Variants in GNAI3 observed in about 807,000 individuals in gnomAD.
The protein encoded by GNAI3 is G protein subunit alpha i3, also known as guanine nucleotide-binding protein G(i) subunit alpha-3.
Under a neutral mutation model 41.8 loss-of-function variants are expected in GNAI3, and 12 were observed. That is an observed-to-expected ratio of 0.29 (90% CI 0.18 to 0.47). GNAI3 has a LOEUF of 0.47. Ranked by LOEUF, GNAI3 falls within the 20% of genes least tolerant of loss-of-function variation. GNAI3 has a pLI of 1.00. For missense variants in GNAI3, 360 were observed against 429.6 expected (o/e 0.84, Z 1.43); for synonymous variants, 132 against 146.5 (o/e 0.90, Z 0.71).
At chr1:109,568,086 T>G (rs1471889189) in intron 1 of GNAI3, among the ~76,000 whole-genome samples, 1 of 152,046 alleles carries the variant, frequency 6.6e-6, no homozygotes. Context: ...TTTTAGCAGT[T>G]CCAAATTCCA....
In GNAI3 at chr1:109,597,701, G is replaced by A. The variant is rs1243092477; in HGVS notation, c.*5379G>A. ...ATTAAGACAACAAGAAACCTAGGAT[G>A]TCCAAACATTCATTTCATTTATTTT... On this transcript the variant is annotated 3_prime_UTR_variant, in exon 9 of 9. Transcript: ENST00000369851. The A allele has an allele frequency of 1.3e-5, 2 of 152,050 alleles. No individual in the cohort carries two copies. The highest frequency in any genetic ancestry group is 2.9e-5 in the Non-Finnish European group (2 of 68,010). The allele number at this position is 152,050 out of a possible 1,614,324, so 9.4% of individuals were successfully genotyped here.
intron 1 of GNAI3, among the ~76,000 whole-genome samples, chr1:109,569,711 A>G (rs1163389221): frequency 2.6e-5 from 4 of 152,200 alleles, no homozygotes; most frequent in Non-Finnish European, 4.4e-5. Context: ...CTGGAAGCTC[A>G]GGAGAAGATA....
At position 109,598,939 on chromosome 1, in the gene GNAI3, C is replaced by G. The variant is rs747969174; in HGVS notation, c.*6617C>G. On this transcript the variant is annotated 3_prime_UTR_variant, in exon 9 of 9. Transcript: ENST00000369851. ...CAGTGGGAGGTAAGAGCTCTTCACC[C>G]TTCACCACCTTCTCCACCCAGCATG... is the stretch of plus-strand genomic sequence containing the variant. 1.9e-6 allele frequency: 1 copy of G among 534,974 alleles called. No homozygotes were observed. The highest frequency in any genetic ancestry group is 3.8e-6 in the Non-Finnish European group (1 of 260,066). 33.1% of individuals were successfully genotyped at this position (534,974 alleles called of 1,614,324 possible). A position where few individuals can be genotyped will look rare whatever the true frequency, so the allele number is the denominator to read the frequency against.
intron 4 of GNAI3, among the ~76,000 whole-genome samples, chr1:109,580,657 T>C (rs575977577): frequency 6.6e-6 from 1 of 152,246 alleles, no homozygotes; most frequent in Non-Finnish European, 1.5e-5. Flanking sequence ...CAGCATGTTA[T>C]TGTACTAAAT....
At chr1:109,559,172 ACT>A (rs1259067528) in intron 1 of GNAI3, among the ~76,000 whole-genome samples, 1 of 151,746 alleles carries the variant, frequency 6.6e-6, no homozygotes, top group Non-Finnish European at 1.5e-5. Context: ...ACAGAGCGAG[ACT>A]CTGTCTCAAA....
chr1:109,595,486 A>G lies in GNAI3; in HGVS notation c.*3164A>G, dbSNP rs2101115569. The G allele has an allele frequency of 6.6e-6, 1 of 152,228 alleles. No individual in the cohort carries two copies. The highest frequency in any genetic ancestry group is 1.5e-5 in the Non-Finnish European group (1 of 68,018). The allele number at this position is 152,228 out of a possible 1,614,324, so 9.4% of individuals were successfully genotyped here. ...TAGATGGACCAAAATTTTAAAAAAA[A>G]CTTCTTGCCTTGTTTTTTTAATTTT... On this transcript the variant is annotated 3_prime_UTR_variant, in exon 9 of 9. Coordinates refer to ENST00000369851, the MANE Select transcript of GNAI3 (RefSeq NM_006496.4).
chr1:109,590,974 T>C (rs1421442445), intron 7 of GNAI3, among the ~76,000 whole-genome samples: 1 of 152,214 alleles, frequency 6.6e-6, no homozygotes, highest in East Asian at 1.9e-4. Context: ...ATTGGAATAA[T>C]GAATTGTCTT....
chr1:109,587,671 T>C (rs1163931883), intron 7 of GNAI3, among the ~76,000 whole-genome samples: 1 of 152,152 alleles, frequency 6.6e-6, no homozygotes, highest in Non-Finnish European at 1.5e-5. Flanking sequence ...GATCAACTCA[T>C]GGAGGGCCTT....
rs1418979478 is a variant in GNAI3, at chr1:109,595,992, A to G, written c.*3670A>G. On this transcript the variant is annotated 3_prime_UTR_variant, in exon 9 of 9. Coordinates refer to ENST00000369851, the MANE Select transcript of GNAI3 (RefSeq NM_006496.4). ...CAGTGCCAGGTAATTATTGTGTTCT[A>G]CTTTAGGCTTCGTAGTGCAAATCAG... is the stretch of plus-strand genomic sequence containing the variant. 6.6e-6 allele frequency: 1 copy of G among 152,164 alleles called. No homozygotes were observed. Among genetic ancestry groups the G allele is most frequent in the Non-Finnish European group, 1.5e-5 (1 of 68,036 alleles). The allele number at this position is 152,164 out of a possible 1,614,324, so 9.4% of individuals were successfully genotyped here. A position where few individuals can be genotyped will look rare whatever the true frequency, so the allele number is the denominator to read the frequency against.
In GNAI3 at chr1:109,594,013, G is replaced by T. The variant is rs1347232687; in HGVS notation, c.*1691G>T. The T allele has an allele frequency of 6.6e-6, 1 of 152,586 alleles. No homozygotes were observed. The highest frequency in any genetic ancestry group is 1.5e-5 in the Non-Finnish European group (1 of 68,018). 9.5% of individuals were successfully genotyped at this position (152,586 alleles called of 1,614,324 possible). On this transcript the variant is annotated 3_prime_UTR_variant, in exon 9 of 9. Transcript: ENST00000369851. ...TCATAGCAGTTCAGTGCCTTTGTTG[G>T]TAGTTTTTAACTTTTTTTGTGATTC...
intron 5 of GNAI3, among the ~76,000 whole-genome samples, chr1:109,585,989 C>T (rs889808000): frequency 6.6e-6 from 1 of 152,164 alleles, no homozygotes; most frequent in African/African-American, 2.4e-5. Flanking sequence ...AGAAGAGGCT[C>T]AGCTATCTAA....
At chr1:109,582,390 CACATGG>C in intron 4 of GNAI3, 41 bp from the exon 5 acceptor site, 1 of 1,524,098 alleles carries the variant, frequency 6.6e-7, no homozygotes, top group Non-Finnish European at 9.1e-7. Context: ...ATTTGCTATG[CACATGG>C]TTGGCTTCAC....
intron 1 of GNAI3, among the ~76,000 whole-genome samples, chr1:109,568,121 T>C (rs922533725): frequency 6.6e-6 from 1 of 152,168 alleles, no homozygotes; most frequent in Non-Finnish European, 1.5e-5. Context: ...TGTTTAAAAA[T>C]TATCTTGCAA....
chr1:109,587,999 T>G (rs1649076133), intron 7 of GNAI3, among the ~76,000 whole-genome samples: 1 of 152,194 alleles, frequency 6.6e-6, no homozygotes, highest in South Asian at 2.1e-4. Flanking sequence ...GTGTATCTTT[T>G]TTATTATTCT....
intron 1 of GNAI3, among the ~76,000 whole-genome samples, chr1:109,570,545 G>A (rs993137108): frequency 6.6e-6 from 1 of 152,234 alleles, no homozygotes; most frequent in Non-Finnish European, 1.5e-5. Flanking sequence ...GAGAGACTGT[G>A]ACGGGGTGGG....
chr1:109,568,430 C>T (rs1170294267), intron 1 of GNAI3, among the ~76,000 whole-genome samples: 1 of 151,978 alleles, frequency 6.6e-6, no homozygotes, highest in Non-Finnish European at 1.5e-5. Context: ...CAGCTACTCC[C>T]AGCTACTCAG....
At chr1:109,583,467 A>C (rs757589336) in intron 5 of GNAI3, among the ~76,000 whole-genome samples, 5 of 152,196 alleles carry the variant, frequency 3.3e-5, no homozygotes, top group Non-Finnish European at 5.9e-5. Context: ...CTCCCACCTC[A>C]GCCTCTCAAA....
chr1:109,578,174 G>A (rs1648797783), intron 3 of GNAI3, among the ~76,000 whole-genome samples: 1 of 151,986 alleles, frequency 6.6e-6, no homozygotes, highest in South Asian at 2.1e-4. Flanking sequence ...TAACCACCTA[G>A]AAAACTATGG....
At chr1:109,564,863 G>A (rs981425131) in intron 1 of GNAI3, among the ~76,000 whole-genome samples, 5 of 152,166 alleles carry the variant, frequency 3.3e-5, no homozygotes, top group African/African-American at 1.2e-4. Context: ...TGCCCTTTAA[G>A]CCTTTTTGGT....
Sources: allele counts gnomAD v4.1 joint callset (sites outside exome capture counted in the v4.1 genomes callset), GRCh38; gene constraint gnomAD v4.1.1; transcripts MANE v1.5; gene names NCBI Gene and HGNC (gene_info 2026-07-23, HGNC 2026-07-21).